The following PDE10A variants were observed in gnomAD, a reference collection of about 807,000 sequenced individuals.
PDE10A encodes the protein cAMP and cAMP-inhibited cGMP 3',5'-cyclic phosphodiesterase 10A.
In PDE10A, 39 loss-of-function variants were observed where a neutral mutation model predicts 97.7. The ratio of observed to expected loss-of-function variants is 0.40; its 90% CI spans 0.31 to 0.52. PDE10A has a LOEUF of 0.52. Ranked by LOEUF, PDE10A falls within the 20% of genes least tolerant of loss-of-function variation. PDE10A has a pLI of 0.56. For synonymous variants in PDE10A, 371 were observed against 376.8 expected, an observed-to-expected ratio of 0.98 and a Z score of 0.18; for missense variants, 731 against 1,047.8, an observed-to-expected ratio of 0.70 and a Z score of 4.17.
In PDE10A at chr6:165,753,078, A is replaced by G. The variant is rs148282599; in HGVS notation, c.-614-209510T>C. 4.3e-3 allele frequency among the ~76,000 whole-genome samples: 654 copies of G among 152,322 alleles called. 7 individuals carry two copies. The highest frequency in any genetic ancestry group is 0.015 in the African/African-American group (627 of 41,562). On this transcript the variant is annotated intron_variant, in intron 1 of 19. Transcript: ENST00000366882. The stretch of plus-strand genomic sequence containing the variant: ...AGCTGTCAACTCTCTTTAAGATGAA[A>G]TTCATACTTTACTGAGAGTCCTGTT...
chr6:165,804,311 C>T lies in PDE10A; in HGVS notation c.-615+183218G>A, dbSNP rs117411268. Among the ~76,000 whole-genome samples the T allele has an allele frequency of 6.0e-3, 920 of 152,274 alleles. 4 individuals are homozygous for T. Among genetic ancestry groups the T allele is most frequent in the Non-Finnish European group, 9.8e-3 (666 of 68,022 alleles). Reference sequence around the variant, plus strand: ...CAAATTGTAGTATTTTCTTCCAAATCCACGTTAAAATGTTGACAGCTGCTA... The same window carrying T: ...CAAATTGTAGTATTTTCTTCCAAATTCACGTTAAAATGTTGACAGCTGCTA... On this transcript the variant is annotated intron_variant, in intron 1 of 19. Transcript: ENST00000366882.
chr6:165,841,604 T>G (rs1583176263), intron 1 of PDE10A, among the ~76,000 whole-genome samples: 1 of 152,032 alleles, frequency 6.6e-6, no homozygotes, highest in Non-Finnish European at 1.5e-5. Context: ...ATCCCGGGGG[T>G]TCAAAACAAC....
At chr6:165,844,386 C>T (rs1221251423) in intron 1 of PDE10A, among the ~76,000 whole-genome samples, 1 of 152,196 alleles carries the variant, frequency 6.6e-6, no homozygotes, top group Non-Finnish European at 1.5e-5. Flanking sequence ...GAAAACTTAT[C>T]TCGAAGGCTT....
chr6:165,751,214 C>T (rs1188194678), intron 1 of PDE10A, among the ~76,000 whole-genome samples: 1 of 152,220 alleles, frequency 6.6e-6, no homozygotes, highest in African/African-American at 2.4e-5. Context: ...GTGTTTTCTG[C>T]AGGCCCAGTT....
chr6:165,966,365 C>T (rs1374575102), intron 1 of PDE10A, among the ~76,000 whole-genome samples: 1 of 152,232 alleles, frequency 6.6e-6, no homozygotes, highest in Non-Finnish European at 1.5e-5. Flanking sequence ...ACGTGACCCC[C>T]TGCTCATTTT....
chr6:165,376,199 A>G (rs1390576142), intron 18 of PDE10A, among the ~76,000 whole-genome samples: 6 of 152,222 alleles, frequency 3.9e-5, no homozygotes, highest in Non-Finnish European at 8.8e-5. Context: ...ACCATTCTAG[A>G]TGCCATTGAG....
intron 1 of PDE10A, among the ~76,000 whole-genome samples, chr6:165,751,186 C>A (rs1333375959): frequency 2.0e-5 from 3 of 152,198 alleles, no homozygotes; most frequent in Admixed American, 6.5e-5. Context: ...TACCAAGCAC[C>A]TTTCCCACTG....
chr6:165,777,998 T>C (rs1778237291), intron 1 of PDE10A, among the ~76,000 whole-genome samples: 2 of 152,004 alleles, frequency 1.3e-5, no homozygotes, highest in African/African-American at 4.8e-5. Context: ...TTACTTAGCT[T>C]TGCTTGGTTT....
intron 1 of PDE10A, among the ~76,000 whole-genome samples, chr6:165,936,842 C>T (rs75857594): frequency 9.9e-5 from 15 of 152,198 alleles, no homozygotes; most frequent in Admixed American, 7.8e-4. Context: ...TGTGAATCAT[C>T]GCCACTCTTC....
At chr6:165,604,728 CTA>C (rs770600859) in intron 1 of PDE10A, among the ~76,000 whole-genome samples, 1 of 152,112 alleles carries the variant, frequency 6.6e-6, no homozygotes, top group Admixed American at 6.5e-5. Flanking sequence ...GCTGCTTGCG[CTA>C]TGTTACTAAA....
At chr6:165,365,819 A>G (rs1239091284) in intron 18 of PDE10A, among the ~76,000 whole-genome samples, 2 of 152,242 alleles carry the variant, frequency 1.3e-5, no homozygotes, top group Non-Finnish European at 2.9e-5. Context: ...CAAAATGGTT[A>G]ACATTAGTTA....
chr6:165,862,528 G>C (rs1780933572), intron 1 of PDE10A, among the ~76,000 whole-genome samples: 3 of 152,300 alleles, frequency 2.0e-5, no homozygotes, highest in South Asian at 2.1e-4. Flanking sequence ...AAAGGGTGAT[G>C]ATGAGGCTGA....
chr6:165,683,300 C>T (rs78417937), intron 1 of PDE10A, among the ~76,000 whole-genome samples: 2,456 of 152,256 alleles, frequency 0.016, 33 homozygotes, highest in South Asian at 0.048. Context: ...GGGTGGGCAT[C>T]AGAGACATGG....
intron 2 of PDE10A, among the ~76,000 whole-genome samples, chr6:165,520,373 T>C (rs551379982): frequency 3.3e-5 from 5 of 152,310 alleles, no homozygotes; most frequent in South Asian, 4.1e-4. Flanking sequence ...AATCATTTTA[T>C]AAACCATAGA....
chr6:165,620,184 G>A (rs768384760), intron 1 of PDE10A, among the ~76,000 whole-genome samples: 19 of 152,262 alleles, frequency 1.2e-4, no homozygotes, highest in Non-Finnish European at 1.8e-4. Flanking sequence ...TCCGGGCCAC[G>A]ATACATTTTG....
chr6:165,890,390 G>A (rs921228459), intron 1 of PDE10A, among the ~76,000 whole-genome samples: 2 of 152,128 alleles, frequency 1.3e-5, no homozygotes, highest in Non-Finnish European at 2.9e-5. Context: ...AGAGAGAGAA[G>A]GATGACAAAC....
At chr6:165,961,164 G>T (rs1328957200) in intron 1 of PDE10A, among the ~76,000 whole-genome samples, 1 of 152,088 alleles carries the variant, frequency 6.6e-6, no homozygotes, top group Non-Finnish European at 1.5e-5. Context: ...GTTGCTGAGA[G>T]CCCTAAAGCT....
In PDE10A at chr6:165,516,591, C is replaced by T. The variant is rs190888835; in HGVS notation, c.994+26849G>A. ...GACACCCTCTCACATGTTAAGCATA[C>T]GAGGACAAATTATAAGCAGCCTTCA... On this transcript the variant is annotated intron_variant, in intron 2 of 21. Coordinates refer to ENST00000539869, the MANE Select transcript of PDE10A (RefSeq NM_001385079.1). Among the ~76,000 whole-genome samples the T allele has an allele frequency of 1.1e-3, 172 of 152,176 alleles. 1 individual carries two copies. Among genetic ancestry groups the T allele is most frequent in the African/African-American group, 4.0e-3 (165 of 41,534 alleles).
At chr6:165,464,162 C>T (rs534324205) in intron 3 of PDE10A, among the ~76,000 whole-genome samples, 14 of 152,152 alleles carry the variant, frequency 9.2e-5, no homozygotes, top group Non-Finnish European at 1.5e-4. Flanking sequence ...GTCTCCCCAA[C>T]CGAGCTGGTC....
Sources: gnomAD v4.1 joint callset for allele counts (sites outside exome capture counted in the v4.1 genomes callset) on GRCh38, gnomAD v4.1.1 for gene constraint, MANE v1.5 for transcripts, NCBI Gene and HGNC (gene_info 2026-07-23, HGNC 2026-07-21) for gene names.